Variants in KCNAB2 observed in about 807,000 individuals in gnomAD.
The protein encoded by KCNAB2 is voltage-gated potassium channel subunit beta-2.
A neutral mutation model predicts 63.6 loss-of-function variants in KCNAB2; 29 were observed. That is an observed-to-expected ratio of 0.46 (90% CI 0.34 to 0.62). The LOEUF (loss-of-function observed/expected upper bound fraction) is 0.62. Ranked by LOEUF, KCNAB2 falls within the 20% of genes least tolerant of loss-of-function variation. The probability of loss-of-function intolerance (pLI) is 0.01; values close to 1 mark genes in which losing one functional copy is unlikely to be tolerated. For synonymous variants in KCNAB2, 222 were observed against 224.2 expected, an observed-to-expected ratio of 0.99 and a Z score of 0.09; for missense variants, 359 against 563.9, an observed-to-expected ratio of 0.64 and a Z score of 3.68.
chr1:6,051,967 T>TG (rs1661434786), intron 2 of KCNAB2, among the ~76,000 whole-genome samples: 1 of 151,516 alleles, frequency 6.6e-6, no homozygotes, highest in South Asian at 2.1e-4. Flanking sequence ...CCAGGCATAG[T>TG]GGGGCGCACC....
rs1366141637 is a variant in KCNAB2 at position 6,028,652 on chromosome 1, G to T, written c.-52-11865G>T. On this transcript the variant is annotated intron_variant, in intron 1 of 16. Transcript: ENST00000341524. This position sits in a 1 kb window ranked among gnomAD's most constrained non-coding sequence, Gnocchi z 4.0. ...AAGAGATGAAGCTCCCTGCCCAGAGGAGCTGACCTCCCAGCAGTCTTACAG... is the reference window on the plus strand; with the variant it reads ...AAGAGATGAAGCTCCCTGCCCAGAGTAGCTGACCTCCCAGCAGTCTTACAG... Among the ~76,000 whole-genome samples, 1 of 152,202 alleles carries T rather than the reference G, an allele frequency of 6.6e-6. No homozygotes were observed.
At chr1:6,066,331 T>TC (rs1462295830) in intron 2 of KCNAB2, among the ~76,000 whole-genome samples, 2 of 152,086 alleles carry the variant, frequency 1.3e-5, no homozygotes, top group Admixed American at 6.5e-5. Context: ...CCTCCCCAAC[T>TC]CCCCACCTCC....
In KCNAB2 at chr1:6,007,221, G is replaced by C. The variant is rs528213608; in HGVS notation, c.-53+14433G>C. On this transcript the variant is annotated intron_variant, in intron 1 of 16. Transcript: ENST00000341524. Reference sequence around the variant, plus strand: ...CTGCATGGGGGGGGCTCAGCTCCTGGGTGTGAGTTTGTGCCAGGCTCCAGA... The same window carrying C: ...CTGCATGGGGGGGGCTCAGCTCCTGCGTGTGAGTTTGTGCCAGGCTCCAGA... Among the ~76,000 whole-genome samples the C allele has an allele frequency of 2.3e-3, 345 of 152,298 alleles. 5 individuals carry two copies. The highest frequency in any genetic ancestry group is 8.1e-3 in the African/African-American group (337 of 41,558).
chr1:6,052,441 A>AG (rs1661471438), intron 2 of KCNAB2, among the ~76,000 whole-genome samples: 1 of 152,070 alleles, frequency 6.6e-6, no homozygotes, highest in Admixed American at 6.5e-5. Context: ...AAAAAAAAAA[A>AG]AGTTTAGTAA....
intron 1 of KCNAB2, among the ~76,000 whole-genome samples, chr1:6,021,423 T>G (rs1014555666): frequency 3.9e-5 from 6 of 152,264 alleles, no homozygotes; most frequent in Non-Finnish European, 8.8e-5. Context: ...TTTTTTCTAT[T>G]GTGGTAAAGG....
At chr1:6,084,809 CA>C (rs372066219) in intron 5 of KCNAB2, among the ~76,000 whole-genome samples, 1,827 of 138,828 alleles carry the variant, frequency 0.013, 39 homozygotes, top group African/African-American at 0.042. Context: ...GACTCCATTT[CA>C]AAAAAAAAAA....
intron 1 of KCNAB2, among the ~76,000 whole-genome samples, chr1:5,996,937 G>A (rs1330972472): frequency 2.6e-5 from 4 of 152,328 alleles, no homozygotes; most frequent in Admixed American, 6.5e-5. Context: ...GGTCTGGTCC[G>A]CAGGGGTCCT....
chr1:6,012,044 G>C (rs1370241016), intron 1 of KCNAB2, among the ~76,000 whole-genome samples: 2 of 151,802 alleles, frequency 1.3e-5, no homozygotes, highest in African/African-American at 4.8e-5. Flanking sequence ...TGAAAGTGGA[G>C]GTGGTGGGTG....
chr1:6,087,484 T>A lies in KCNAB2; in HGVS notation c.443T>A (p.Ile148Asn), dbSNP rs1484752911. 1 of 1,614,154 alleles carries A rather than the reference T, an allele frequency of 6.2e-7. No homozygotes were observed. The highest frequency in any genetic ancestry group is 1.1e-5 in the South Asian group (1 of 91,086). The change falls in exon 7 of 16, where the codon ATC (isoleucine) becomes AAC (asparagine). Residue 148 changes from isoleucine (I) to asparagine (N), a missense_variant. Around this residue, in one of 2 missense-constraint regions of KCNAB2, gnomAD observed 271 missense variants for 476.1 expected, o/e 0.57. Coordinates refer to ENST00000378083, the MANE Select transcript of KCNAB2 (RefSeq NM_001199862.2). This position sits in a 1 kb window ranked among gnomAD's most constrained non-coding sequence, Gnocchi z 6.4. ...KKGWRRSSLV[I>N]TTKIFWGGKA... ...TTCCACAGGCGGTCCAGCCTCGTCA[T>A]CACCACCAAGATCTTCTGGGGCGGA... is the stretch of plus-strand genomic sequence containing the variant.
chr1:6,044,347 G>A (rs1660747908), upstream of KCNAB2, among the ~76,000 whole-genome samples: 1 of 152,218 alleles, frequency 6.6e-6, no homozygotes, highest in African/African-American at 2.4e-5. Context: ...TCCAAGGAAG[G>A]AGGGGCCACA....
At chr1:6,075,544 C>T (rs1663586415) in intron 4 of KCNAB2, among the ~76,000 whole-genome samples, 1 of 152,164 alleles carries the variant, frequency 6.6e-6, no homozygotes, top group Non-Finnish European at 1.5e-5. Context: ...AGGAGCAAGA[C>T]AAATTTTTGT....
chr1:6,046,567 G>A (rs1660943778), intron 1 of KCNAB2, among the ~76,000 whole-genome samples: 1 of 152,238 alleles, frequency 6.6e-6, no homozygotes, highest in Admixed American at 6.5e-5. Context: ...GCGCTGTCAG[G>A]GAGGTTTGGT....
intron 1 of KCNAB2, among the ~76,000 whole-genome samples, chr1:6,022,463 A>C (rs1426231556): frequency 6.6e-6 from 1 of 152,054 alleles, no homozygotes; most frequent in African/African-American, 2.4e-5. Flanking sequence ...TTGAGTGTAC[A>C]GTTCAGTGGT....
At chr1:6,058,992 C>T (rs1018766410) in intron 2 of KCNAB2, among the ~76,000 whole-genome samples, 4 of 152,162 alleles carry the variant, frequency 2.6e-5, no homozygotes, top group African/African-American at 9.7e-5. Context: ...GCCCCAGCCT[C>T]TCCAGCCCCA....
Position 6,086,739 on chromosome 1 carries a change from C to G in KCNAB2, c.426-728C>G, listed in dbSNP as rs528404567. 1.3e-5 allele frequency among the ~76,000 whole-genome samples: 2 copies of G among 152,140 alleles called. No homozygotes were observed. Among genetic ancestry groups the G allele is most frequent in the Non-Finnish European group, 2.9e-5 (2 of 68,000 alleles). ...CAGAAGAACGAATTACTTCCCTTTGCGCTGCTCAAGCCCAAATCCTCAGAA... is the reference window on the plus strand; with the variant it reads ...CAGAAGAACGAATTACTTCCCTTTGGGCTGCTCAAGCCCAAATCCTCAGAA... On this transcript the variant is annotated intron_variant, in intron 6 of 15. Transcript: ENST00000378083. The surrounding 1 kb of genome is among the most constrained non-coding windows in gnomAD (Gnocchi z 4.2).
intron 1 of KCNAB2, among the ~76,000 whole-genome samples, chr1:6,021,767 G>T (rs773398566): frequency 2.6e-5 from 4 of 151,126 alleles, no homozygotes; most frequent in Admixed American, 1.3e-4. Context: ...ACAGTTCAAT[G>T]GTATTGAGTG....
intron 1 of KCNAB2, chr1:6,018,961 A>G (rs1658668755): frequency 6.6e-6 from 1 of 152,204 alleles, no homozygotes. Flanking sequence ...GTGTGTTATG[A>G]AATGTTATTC....
chr1:6,090,066 A>C (rs1192218444), intron 8 of KCNAB2, among the ~76,000 whole-genome samples: 1 of 152,230 alleles, frequency 6.6e-6, no homozygotes, highest in Non-Finnish European at 1.5e-5. Context: ...TGTGATAGAT[A>C]AAGTCATCTC....
upstream of KCNAB2, among the ~76,000 whole-genome samples, chr1:6,032,573 TAAA>T: frequency 7.4e-6 from 1 of 134,566 alleles, no homozygotes; most frequent in Non-Finnish European, 1.6e-5. Flanking sequence ...GAGACTCTGT[TAAA>T]AAAAAAAAAG....
Sources: gnomAD v4.1 joint callset for allele counts (sites outside exome capture counted in the v4.1 genomes callset) on GRCh38, gnomAD v4.1.1 for gene constraint, gnomAD v4.1.1 regional missense constraint, Gnocchi (gnomAD v3.1) non-coding constraint, MANE v1.5 for transcripts, NCBI Gene and HGNC (gene_info 2026-07-23, HGNC 2026-07-21) for gene names.